TNRC6C: variants seen among roughly 807,000 people sequenced by gnomAD.
TNRC6C encodes the protein trinucleotide repeat containing adaptor 6C, also known as trinucleotide repeat-containing gene 6C protein.
A neutral mutation model predicts 153.7 loss-of-function variants in TNRC6C; 20 were observed. The ratio of observed to expected loss-of-function variants is 0.13; its 90% CI spans 0.09 to 0.19. The LOEUF (loss-of-function observed/expected upper bound fraction) is 0.19, where lower values mean the gene tolerates loss of function less well. TNRC6C is among the 10% of genes least tolerant of loss of function. The pLI, the probability that TNRC6C is intolerant of heterozygous loss-of-function variation, is 1.00. For missense variants in TNRC6C, 1,987 were observed against 2,172.0 expected, an observed-to-expected ratio of 0.91 and a Z score of 1.69; for synonymous variants, 811 against 841.4, an observed-to-expected ratio of 0.96 and a Z score of 0.63.
chr17:78,059,343 G>A (rs1239293289), intron 3 of TNRC6C, among the ~76,000 whole-genome samples: 2 of 152,186 alleles, frequency 1.3e-5, no homozygotes, highest in African/African-American at 4.8e-5. Context: ...GTTTGGATTT[G>A]GCTGGGTTGT....
In TNRC6C at chr17:77,977,527, C is replaced by T. The variant is rs1424906151; in HGVS notation, c.-38+18259C>T. Among the ~76,000 whole-genome samples, 4 of 152,120 alleles carry T rather than the reference C, an allele frequency of 2.6e-5. No homozygotes were observed. In the East Asian group the frequency reaches 7.7e-4, roughly 29 times the overall value. On this transcript the variant is annotated intron_variant, in intron 1 of 22. Transcript: ENST00000636222. ...ACAACTTTTTAGTTCAGAAGGGAAC[C>T]AGCATTTATTAAGCCCTAGCTATGT...
At chr17:77,959,032 T>TTGCCGGGGCCGGACCTGGACC (rs1177396101), upstream of TNRC6C, among the ~76,000 whole-genome samples, 1 of 138,696 alleles carries the variant, frequency 7.2e-6, no homozygotes, top group Non-Finnish European at 1.6e-5. Context: ...CGTCGCGGCG[T>TTGCCGGGGCCGGACCTGGACC]TGCCGGGGCC....
In TNRC6C at chr17:78,049,263, CAGT is replaced by C. The variant is rs770715681; in HGVS notation, c.202_204del (p.Ser68del). 1.2e-6 allele frequency: 2 copies of C among 1,611,750 alleles called. No individual in the cohort carries two copies. The highest frequency in any genetic ancestry group is 1.7e-6 in the Non-Finnish European group (2 of 1,178,524). On this transcript the variant is annotated inframe_deletion, in exon 3 of 20. Transcript: ENST00000301624. This position sits in a 1 kb window ranked among gnomAD's most constrained non-coding sequence, Gnocchi z 4.1. ...GCTCTGGCCTGGCTCACTGCTCTGT[CAGT>C]GGTGGGGATGGAAAAATGGACACTA... is the stretch of plus-strand genomic sequence containing the variant.
At chr17:78,078,547 A>C (rs1254620183) in intron 9 of TNRC6C, among the ~76,000 whole-genome samples, 1 of 152,098 alleles carries the variant, frequency 6.6e-6, no homozygotes, top group Admixed American at 6.6e-5. Flanking sequence ...TTTTTATCAC[A>C]TCCTTTTGGA....
At chr17:78,076,215 CAAAAAAAAAAAGAAAAAGAA>C (rs2073081211) in intron 8 of TNRC6C, among the ~76,000 whole-genome samples, 2 of 103,668 alleles carry the variant, frequency 1.9e-5, no homozygotes, top group Admixed American at 1.0e-4. Flanking sequence ...TACTCTGTCT[CAAAAAAAAAAAGAAAAAGAA>C]AAAAAAAAAA....
chr17:78,102,649 C>G lies in TNRC6C; in HGVS notation c.4572+105C>G, dbSNP rs1269988177. 10 of 1,222,376 alleles carry G rather than the reference C, an allele frequency of 8.2e-6. No individual in the cohort carries two copies. The Admixed American group carries it at 2.1e-4, about 26-fold the overall frequency. 75.7% of individuals were successfully genotyped at this position (1,222,376 alleles called of 1,614,324 possible). ...TGGTGGGGCAGGATAGTTGGGGGTTCTTGGTCAGGGTCCATAAGTGACGCT... is the reference window on the plus strand; with the variant it reads ...TGGTGGGGCAGGATAGTTGGGGGTTGTTGGTCAGGGTCCATAAGTGACGCT... On this transcript the variant is annotated intron_variant, in intron 18 of 19. Coordinates refer to ENST00000301624, the Ensembl canonical transcript of TNRC6C.
rs564129386 is a variant in TNRC6C at position 78,036,699 on chromosome 17, G to T, written c.-219+4857G>T. ...AGCAGTTTGAGAGGCCGAGGCAGGTGGATCACCTGAGGTCAGGAGTTTAAG... is the reference window on the plus strand; with the variant it reads ...AGCAGTTTGAGAGGCCGAGGCAGGTTGATCACCTGAGGTCAGGAGTTTAAG... On this transcript the variant is annotated intron_variant, in intron 2 of 19. Transcript: ENST00000301624. Among the ~76,000 whole-genome samples, 32 of 152,182 alleles carry T rather than the reference G, an allele frequency of 2.1e-4. No individual in the cohort carries two copies. In the South Asian group the frequency reaches 6.0e-3, roughly 29 times the overall value.
Position 78,077,267 on chromosome 17 carries a change from TC to T in TNRC6C, c.3147del (p.Ser1050ValfsTer16). 6.3e-7 allele frequency: 1 copy of T among 1,596,410 alleles called. No individual in the cohort carries two copies. The highest frequency in any genetic ancestry group is 8.5e-7 in the Non-Finnish European group (1 of 1,171,568). On this transcript the variant is annotated frameshift_variant, in exon 9 of 20. Transcript: ENST00000301624. LOFTEE classifies it high-confidence loss of function. The stretch of plus-strand genomic sequence containing the variant: ...AAGCTCCCCCTTTCACACAGTGCAC[TC>T]CCCAGTCAGGCCCTGGGTGGGATTG...
intron 17 of TNRC6C, among the ~76,000 whole-genome samples, chr17:78,099,721 C>A (rs530442368): frequency 3.3e-4 from 51 of 152,330 alleles, no homozygotes; most frequent in African/African-American, 1.1e-3. Context: ...TCCCAAATCT[C>A]ATGTCCTCAC....
At chr17:78,010,010 A>C (rs1371661152) in intron 1 of TNRC6C, among the ~76,000 whole-genome samples, 4 of 151,988 alleles carry the variant, frequency 2.6e-5, no homozygotes, top group African/African-American at 9.7e-5. Flanking sequence ...CAGCCTCCCA[A>C]GTAGCTGACT....
chr17:78,089,756 A>G (rs1433192996), intron 13 of TNRC6C, among the ~76,000 whole-genome samples: 1 of 152,234 alleles, frequency 6.6e-6, no homozygotes, highest in Non-Finnish European at 1.5e-5. Flanking sequence ...AAGAAAAATC[A>G]GAGAGTAGGA....
At chr17:78,047,318 C>G (rs1416057466) in intron 2 of TNRC6C, among the ~76,000 whole-genome samples, 2 of 152,052 alleles carry the variant, frequency 1.3e-5, no homozygotes, top group African/African-American at 4.8e-5. Context: ...AGAGCCAACC[C>G]CTAATAATTG....
rs764727420 is a variant in TNRC6C, at chr17:78,071,174, C to T, written c.2859+9C>T. Reference sequence around the variant, plus strand: ...CAGACATGGGCTTCCCGGTAACTGGCGTCGTAGTTTACTGCTACCCACCAT... The same window carrying T: ...CAGACATGGGCTTCCCGGTAACTGGTGTCGTAGTTTACTGCTACCCACCAT... On this transcript the variant is annotated intron_variant, in intron 6 of 19. Transcript: ENST00000301624. The T allele has an allele frequency of 2.2e-5, 35 of 1,592,904 alleles. No individual in the cohort carries two copies. Among genetic ancestry groups the T allele is most frequent in the African/African-American group, 4.0e-5 (3 of 74,482 alleles).
chr17:77,959,636 C>G (rs1033216162), intron 1 of TNRC6C, among the ~76,000 whole-genome samples: 3 of 151,998 alleles, frequency 2.0e-5, no homozygotes, highest in Admixed American at 2.0e-4. Context: ...GCGAACCCGC[C>G]GTGTTTTGGT....
At chr17:77,984,448 A>G (rs2071129936) in intron 1 of TNRC6C, among the ~76,000 whole-genome samples, 1 of 151,908 alleles carries the variant, frequency 6.6e-6, no homozygotes, top group African/African-American at 2.4e-5. Context: ...GGATCGCTTG[A>G]TTGAGGCTGC....
In TNRC6C at chr17:78,049,285, G is replaced by A; in HGVS notation, c.223G>A (p.Asp75Asn). The A allele has an allele frequency of 1.9e-6, 3 of 1,613,380 alleles. No homozygotes were observed. The South Asian group carries it at 3.3e-5, about 18-fold the overall frequency. The change falls in exon 3 of 20, where the codon GAC becomes AAC. Residue 75 changes from aspartate (D) to asparagine (N), a missense_variant. Around this residue, in one of 4 missense-constraint regions of TNRC6C, gnomAD observed 1,052 missense variants for 1,017.0 expected, o/e 1.03. Transcript: ENST00000301624. This position sits in a 1 kb window ranked among gnomAD's most constrained non-coding sequence, Gnocchi z 4.1. ...TGTCAGTGGTGGGGATGGAAAAATG[G>A]ACACTATGATTGGAGATGGGAGAAG... is the stretch of plus-strand genomic sequence containing the variant.
chr17:78,101,227 A>G (rs1196763252), intron 17 of TNRC6C, among the ~76,000 whole-genome samples: 3 of 152,188 alleles, frequency 2.0e-5, no homozygotes, highest in Non-Finnish European at 1.5e-5. Context: ...ACAAATCTCT[A>G]GGGCAGGGGC....
At chr17:78,021,669 A>G (rs1317138164) in intron 1 of TNRC6C, among the ~76,000 whole-genome samples, 1 of 152,090 alleles carries the variant, frequency 6.6e-6, no homozygotes, top group Admixed American at 6.6e-5. Flanking sequence ...TCCCTGGCTC[A>G]AGTCATTATT....
In TNRC6C at chr17:78,098,065, A is replaced by G. The variant is rs748058302; in HGVS notation, c.4307-278A>G. Among the ~76,000 whole-genome samples the G allele has an allele frequency of 3.3e-5, 5 of 152,316 alleles. No homozygotes were observed. The East Asian group carries it at 9.6e-4, about 29-fold the overall frequency. On this transcript the variant is annotated intron_variant, in intron 16 of 19. Transcript: ENST00000301624. Reference sequence around the variant, plus strand: ...CAGCTTGCACGCACATGGAAGTGGTAACGTCTTCTCCATACAAGTGTGTGG... The same window carrying G: ...CAGCTTGCACGCACATGGAAGTGGTGACGTCTTCTCCATACAAGTGTGTGG...
Sources: gnomAD v4.1 joint callset for allele counts (sites outside exome capture counted in the v4.1 genomes callset) on GRCh38, gnomAD v4.1.1 for gene constraint, gnomAD v4.1.1 regional missense constraint, Gnocchi (gnomAD v3.1) non-coding constraint, MANE v1.5 for transcripts, NCBI Gene and HGNC (gene_info 2026-07-23, HGNC 2026-07-21) for gene names.